Variants in BRIX1 observed in about 807,000 individuals in gnomAD.
The protein encoded by BRIX1 is biogenesis of ribosomes BRX1, also known as ribosome biogenesis protein BRX1 homolog.
Under a neutral mutation model 44.0 loss-of-function variants are expected in BRIX1, and 15 were observed. That is an observed-to-expected ratio of 0.34 (90% CI 0.23 to 0.53). The LOEUF (loss-of-function observed/expected upper bound fraction) is 0.53, where lower values mean the gene tolerates loss of function less well. BRIX1 is among the 20% of genes least tolerant of loss of function. The pLI is 0.95. For missense variants in BRIX1, 420 were observed against 432.8 expected (o/e 0.97, Z 0.26); for synonymous variants, 149 against 135.4 (o/e 1.10, Z -0.70).
At chr5:34,919,274 C>CAAA (rs71299559) in intron 2 of BRIX1, among the ~76,000 whole-genome samples, 11 of 35,966 alleles carry the variant, frequency 3.1e-4, no homozygotes, top group Non-Finnish European at 3.5e-4. Context: ...GACCCTGTCT[C>CAAA]AAAAAAAAAA....
intron 8 of BRIX1, among the ~76,000 whole-genome samples, chr5:34,924,411 TTAAA>T: frequency 6.6e-6 from 1 of 152,322 alleles, no homozygotes; most frequent in Admixed American, 6.5e-5. Flanking sequence ...TCAGTAGCTA[TTAAA>T]TAAATTTGAC....
Position 34,919,885 on chromosome 5 carries a change from T to A in BRIX1, c.315+2T>A. 1 of 1,151,786 alleles carries A rather than the reference T, an allele frequency of 8.7e-7. No homozygotes were observed. The highest frequency in any genetic ancestry group is 1.3e-6 in the Non-Finnish European group (1 of 795,486). 71.3% of individuals were successfully genotyped at this position (1,151,786 alleles called of 1,614,324 possible). A position where few individuals can be genotyped will look rare whatever the true frequency, so the allele number is the denominator to read the frequency against. ...GATAAGCTATTTGTGATTAACGAGGTAATTTTGGAAAGTAATTGCAACAAA... is the reference window on the plus strand; with the variant it reads ...GATAAGCTATTTGTGATTAACGAGGAAATTTTGGAAAGTAATTGCAACAAA... On this transcript the variant is annotated splice_donor_variant, in intron 3 of 9. Coordinates refer to ENST00000336767, the MANE Select transcript of BRIX1 (RefSeq NM_018321.4). LOFTEE classifies it high-confidence loss of function.
chr5:34,925,056 T>A (rs1421834920), intron 9 of BRIX1, 81 bp downstream of exon 9: 2 of 1,524,918 alleles, frequency 1.3e-6, no homozygotes, highest in Admixed American at 4.4e-5. Context: ...ATTGCTGTTT[T>A]ATTACCTGTG....
intron 1 of BRIX1, chr5:34,916,869 G>T (rs6874813): frequency 6.6e-6 from 1 of 152,184 alleles, no homozygotes; most frequent in Non-Finnish European, 1.5e-5. Flanking sequence ...CAGATTGGGG[G>T]GCAGGGGGAG....
chr5:34,925,171 TA>T, intron 9 of BRIX1, 54 bp from the exon 10 acceptor site: 1 of 1,486,860 alleles, frequency 6.7e-7, no homozygotes, highest in Non-Finnish European at 9.0e-7. Context: ...CTTTGCCTTA[TA>T]TAAAATGTTT....
intron 9 of BRIX1, 37 bp downstream of exon 9, chr5:34,925,012 C>A: frequency 6.3e-7 from 1 of 1,589,764 alleles, no homozygotes; most frequent in East Asian, 2.2e-5. Flanking sequence ...TTCAATGTAC[C>A]AGAACCCTTT....
intron 6 of BRIX1, 37 bp downstream of exon 6, chr5:34,922,805 T>A: frequency 6.4e-7 from 1 of 1,564,978 alleles, no homozygotes; most frequent in Non-Finnish European, 8.8e-7. Context: ...TCTAATTTTC[T>A]TATCTGGCAT....
chr5:34,922,181 T>C, intron 3 of BRIX1, 36 bp from the exon 4 acceptor site: 2 of 1,180,520 alleles, frequency 1.7e-6, no homozygotes, highest in Admixed American at 2.1e-5. Context: ...TCATTTATAT[T>C]ATCTACTTCA....
In BRIX1 at chr5:34,923,743, G is replaced by A. The variant is rs1764291780; in HGVS notation, c.663+509G>A. Among the ~76,000 whole-genome samples the A allele has an allele frequency of 2.6e-5, 4 of 152,276 alleles. No homozygotes were observed. In the South Asian group the frequency reaches 8.3e-4, roughly 32 times the overall value. On this transcript the variant is annotated intron_variant, in intron 8 of 9. Transcript: ENST00000336767. ...AAACTTTTAGATAAGGATATACAGG[G>A]TTTGCATACACAAAAAATGCAAATA...
chr5:34,918,347 A>G lies in BRIX1; in HGVS notation c.160-17A>G, dbSNP rs764532126. ...GTATAAGATTTTAAAATCTTTTAAC[A>G]TTTTCTTTTTCTTTAGGGAAAGTGG... On this transcript the variant is annotated splice_polypyrimidine_tract_variant and intron_variant, in intron 1 of 9. Transcript: ENST00000336767. The G allele has an allele frequency of 2.4e-6, 3 of 1,265,210 alleles. No individual in the cohort carries two copies. The highest frequency in any genetic ancestry group is 1.8e-5 in the Admixed American group (1 of 55,206). The allele number at this position is 1,265,210 out of a possible 1,614,324, so 78.4% of individuals were successfully genotyped here. A position where few individuals can be genotyped will look rare whatever the true frequency, so the allele number is the denominator to read the frequency against.
Position 34,925,441 on chromosome 5 carries a change from T to C in BRIX1, c.1008T>C (p.Ile336=). 1 of 1,613,862 alleles carries C rather than the reference T, an allele frequency of 6.2e-7. No individual in the cohort carries two copies. Among genetic ancestry groups the C allele is most frequent in the South Asian group, 1.1e-5 (1 of 91,058 alleles). Residue 336 remains isoleucine, a synonymous_variant, in exon 10 of 10, where the codon ATT becomes ATC. Transcript: ENST00000336767. ...ATTTGAAAGCAAGAAAGAAACGGAT[T>C]TACAAAAGGCAAAGAAAAATGAAAC... ...KVDLKARKKR[I]YKRQRKMKQR... is the part of the protein sequence containing the mutation.
chr5:34,915,733 G>A lies in BRIX1; in HGVS notation c.-6G>A, dbSNP rs372458900. ...AGGAGGCCAAGAGCGCGGGCGGCGA[G>A]GCAAGATGGCGGCAACCAAGAGGAA... On this transcript the variant is annotated 5_prime_UTR_variant, in exon 1 of 10. Transcript: ENST00000336767. 11 of 1,597,526 alleles carry A rather than the reference G, an allele frequency of 6.9e-6. No individual in the cohort carries two copies. In the African/African-American group the frequency reaches 1.2e-4, roughly 18 times the overall value.
chr5:34,915,975 G>A (rs778281516), intron 1 of BRIX1, 78 bp downstream of exon 1: 2 of 1,434,844 alleles, frequency 1.4e-6, no homozygotes, highest in Non-Finnish European at 9.2e-7. Context: ...CTTGACTACA[G>A]CCTTGCTTAA....
chr5:34,922,702 C>G lies in BRIX1; in HGVS notation c.444C>G (p.Thr148=), dbSNP rs1764266585. Residue 148 remains threonine (T), a synonymous_variant, in exon 6 of 10, where the codon ACC becomes ACG. Coordinates refer to ENST00000336767, the MANE Select transcript of BRIX1 (RefSeq NM_018321.4). ...SAKFLVQNIH[T]LAELKMTGNC... ...TTGTTGTAATTTTTCTAGTTCATAC[C>G]CTCGCTGAACTGAAGATGACTGGAA... 1 of 1,613,042 alleles carries G rather than the reference C, an allele frequency of 6.2e-7. No individual in the cohort carries two copies. Among genetic ancestry groups the G allele is most frequent in the African/African-American group, 1.3e-5 (1 of 74,770 alleles).
chr5:34,921,088 A>G (rs1044392768), intron 3 of BRIX1: 6 of 152,086 alleles, frequency 3.9e-5, no homozygotes, highest in African/African-American at 1.4e-4. Flanking sequence ...CAATTCACCT[A>G]CCTCGGCCTC....
chr5:34,915,723 C>G lies in BRIX1; in HGVS notation c.-16C>G. ...AGCGCCGGAAAGGAGGCCAAGAGCG[C>G]GGGCGGCGAGGCAAGATGGCGGCAA... On this transcript the variant is annotated 5_prime_UTR_variant, in exon 1 of 10. Coordinates refer to ENST00000336767, the MANE Select transcript of BRIX1 (RefSeq NM_018321.4). 2 of 1,591,248 alleles carry G rather than the reference C, an allele frequency of 1.3e-6. No individual in the cohort carries two copies. Among genetic ancestry groups the G allele is most frequent in the Non-Finnish European group, 8.6e-7 (1 of 1,169,446 alleles).
intron 1 of BRIX1, among the ~76,000 whole-genome samples, chr5:34,917,372 G>A (rs1376597771): frequency 6.6e-6 from 1 of 152,120 alleles, no homozygotes; most frequent in African/African-American, 2.4e-5. Context: ...GGTGGCTCAC[G>A]CCTGTAATCC....
chr5:34,918,635 C>T lies in BRIX1; in HGVS notation c.271+160C>T, dbSNP rs1352286155. ...GCCACAATTTTTCCAGTTAACATTT[C>T]GTAAGAAATTCTTTAGATTTCATTA... On this transcript the variant is annotated intron_variant, in intron 2 of 9. Transcript: ENST00000336767. The T allele has an allele frequency of 1.7e-4, 81 of 474,892 alleles. No homozygotes were observed. The East Asian group carries it at 2.6e-3, about 15-fold the overall frequency. The allele number at this position is 474,892 out of a possible 1,614,324, so 29.4% of individuals were successfully genotyped here.
chr5:34,925,444 CA>C lies in BRIX1; in HGVS notation c.1015del (p.Arg339GlyfsTer5). On this transcript the variant is annotated frameshift_variant, in exon 10 of 10. Coordinates refer to ENST00000336767, the MANE Select transcript of BRIX1 (RefSeq NM_018321.4). LOFTEE classifies it high-confidence loss of function. ...TGAAAGCAAGAAAGAAACGGATTTACAAAAGGCAAAGAAAAATGAAACAGAG... is the reference window on the plus strand; with the variant it reads ...TGAAAGCAAGAAAGAAACGGATTTACAAAGGCAAAGAAAAATGAAACAGAG... ...DLKARKKRIYKRQRKMKQRMD... is the reference protein window; with the variant it reads ...DLKARKKRIYXRQRKMKQRMD... 1 of 1,613,124 alleles carries C rather than the reference CA, an allele frequency of 6.2e-7. No homozygotes were observed. Among genetic ancestry groups the C allele is most frequent in the Non-Finnish European group, 8.5e-7 (1 of 1,179,626 alleles).
Sources: allele counts gnomAD v4.1 joint callset (sites outside exome capture counted in the v4.1 genomes callset), GRCh38; gene constraint gnomAD v4.1.1; transcripts MANE v1.5; gene names NCBI Gene and HGNC (gene_info 2026-07-23, HGNC 2026-07-21).